The following USP35 variants were observed in gnomAD, a reference collection of about 807,000 sequenced individuals.
The protein encoded by USP35 is ubiquitin carboxyl-terminal hydrolase 35.
A neutral mutation model predicts 83.8 loss-of-function variants in USP35; 69 were observed. The ratio of observed to expected loss-of-function variants is 0.82; its 90% CI spans 0.68 to 1.01. The LOEUF is 1.01. Ranked by LOEUF, USP35 falls within the 50% of genes least tolerant of loss-of-function variation. The pLI, the probability that USP35 is intolerant of heterozygous loss-of-function variation, is 0.00. For synonymous variants in USP35, 714 were observed against 589.5 expected, an observed-to-expected ratio of 1.21 and a Z score of -3.06; for missense variants, 1,503 against 1,362.5, an observed-to-expected ratio of 1.10 and a Z score of -1.62.
In USP35 at chr11:78,211,867, A is replaced by C. The variant is rs371250507; in HGVS notation, c.2889+1123A>C. Among the ~76,000 whole-genome samples the C allele has an allele frequency of 7.1e-3, 1,088 of 152,280 alleles. 15 individuals are homozygous for C. The highest frequency in any genetic ancestry group is 0.024 in the African/African-American group (1,015 of 41,552). Reference sequence around the variant, plus strand: ...GACTTAGGTCAGATGGGTAGTTTGCAAAAATTTTTTTTCATTCTGTAGGTT... The same window carrying C: ...GACTTAGGTCAGATGGGTAGTTTGCCAAAATTTTTTTTCATTCTGTAGGTT... On this transcript the variant is annotated intron_variant, in intron 10 of 10. Transcript: ENST00000529308.
rs2101310 is a variant in USP35 at position 78,200,288 on chromosome 11, A to G, written c.1038+54A>G. On this transcript the variant is annotated intron_variant, in intron 5 of 10. Coordinates refer to ENST00000529308, the MANE Select transcript of USP35 (RefSeq NM_020798.4). ...GAGGCCCCTGCCTGCTGCCCCTGGTAAGGGCCCTGCCTACTGCCCCTGGTA... is the reference window on the plus strand; with the variant it reads ...GAGGCCCCTGCCTGCTGCCCCTGGTGAGGGCCCTGCCTACTGCCCCTGGTA... The G allele has an allele frequency of 9.6e-6, 15 of 1,558,302 alleles. No homozygotes were observed. In the African/African-American group the frequency reaches 1.2e-4, roughly 13 times the overall value.
At chr11:78,226,387 A>T in the USP35 span, 2 of 1,161,988 alleles carry the variant, frequency 1.7e-6, no homozygotes, top group South Asian at 2.5e-5. Flanking sequence ...GCCATGGATG[A>T]CCAAGGACCA....
At chr11:78,228,834 G>A in the USP35 span, among the ~76,000 whole-genome samples, 1 of 152,092 alleles carries the variant, frequency 6.6e-6, no homozygotes, top group African/African-American at 2.4e-5. Flanking sequence ...AGAGGACGGG[G>A]GTGGCGGGGG....
the USP35 span, chr11:78,226,712 T>C: frequency 1.9e-6 from 3 of 1,613,310 alleles, no homozygotes; most frequent in Non-Finnish European, 1.7e-6. Context: ...AGGCTGAGAG[T>C]GGGGTGGCCG....
chr11:78,219,437 G>T, downstream of USP35: 1 of 1,612,664 alleles, frequency 6.2e-7, no homozygotes, highest in Non-Finnish European at 8.5e-7. Context: ...GAGTGGGAAA[G>T]AGGGAGTAGC....
chr11:78,217,379 G>C (rs1864200751), downstream of USP35: 1 of 152,252 alleles, frequency 6.6e-6, no homozygotes, highest in Non-Finnish European at 1.5e-5. Context: ...ACTAATGCTA[G>C]GAGGAGAGGT....
intron 6 of USP35, among the ~76,000 whole-genome samples, chr11:78,202,906 C>T (rs575997533): frequency 6.6e-6 from 1 of 152,306 alleles, no homozygotes; most frequent in Admixed American, 6.5e-5. Flanking sequence ...GAACCCTGTC[C>T]TTTTGATCTT....
At chr11:78,199,468 C>T (rs1456760938) in intron 3 of USP35, 127 bp from the exon 4 acceptor site, 8 of 1,420,438 alleles carry the variant, frequency 5.6e-6, no homozygotes, top group Admixed American at 1.9e-5. Flanking sequence ...CCACAGACCC[C>T]GGGGCTGCCC....
intron 6 of USP35, 137 bp from the exon 7 acceptor site, chr11:78,205,705 C>T (rs1863508272): frequency 2.2e-6 from 2 of 929,574 alleles, no homozygotes; most frequent in Admixed American, 2.7e-5. Flanking sequence ...CACACACACC[C>T]CAGAACATCT....
chr11:78,227,631 C>CAAAAAAAAAAAAAAAAAAAAAA, the USP35 span, among the ~76,000 whole-genome samples: 50 of 106,106 alleles, frequency 4.7e-4, 1 homozygote, highest in African/African-American at 1.7e-3. Flanking sequence ...CCATTGCCAC[C>CAAAAAAAAAAAAAAAAAAAAAA]AAAAAAAAAA....
In USP35 at chr11:78,209,998, G is replaced by A. The variant is rs751730694; in HGVS notation, c.2143G>A (p.Glu715Lys). The stretch of plus-strand genomic sequence containing the variant: ...GGAGAAAGAGGAGGAGGTGGAAGAG[G>A]AAGAAGAGAAGGTGGAGAAGGAGAC... The part of the protein sequence containing the change: ...EREKEEEVEE[E>K]EEKVEKETEK... Residue 715 changes from glutamate (E) to lysine (K), a missense_variant, in exon 10 of 11, where the codon GAA becomes AAA. Coordinates refer to ENST00000529308, the MANE Select transcript of USP35 (RefSeq NM_020798.4). 102 of 1,613,380 alleles carry A rather than the reference G, an allele frequency of 6.3e-5. No homozygotes were observed. Among genetic ancestry groups the A allele is most frequent in the Middle Eastern group, 1.6e-4 (1 of 6,068 alleles).
rs183263566 is a variant in USP35 at position 78,210,255 on chromosome 11, G to A, written c.2400G>A (p.Gly800=). The A allele has an allele frequency of 8.5e-4, 1,376 of 1,614,116 alleles. 8 individuals carry two copies. In the African/African-American group the frequency reaches 0.015, roughly 18 times the overall value. ...DAEKVVELSQ[G]PCYLILTLLR... is the part of the protein sequence containing the mutation. The stretch of plus-strand genomic sequence containing the variant: ...AGAAGGTGGTGGAGCTGAGCCAAGG[G>A]CCGTGCTACCTCATCCTCACACTGC... Residue 800 remains glycine (G), a synonymous_variant, in exon 10 of 11, where the codon GGG becomes GGA. Transcript: ENST00000529308.
chr11:78,213,195 A>G (rs1220495455), intron 10 of USP35, among the ~76,000 whole-genome samples: 2 of 152,142 alleles, frequency 1.3e-5, no homozygotes, highest in Non-Finnish European at 2.9e-5. Context: ...TCAGGCTCTC[A>G]GGGACAGCTT....
At chr11:78,197,912 G>A in intron 2 of USP35, 24 bp from the exon 3 acceptor site, 1 of 1,612,270 alleles carries the variant, frequency 6.2e-7, no homozygotes, top group Non-Finnish European at 8.5e-7. Flanking sequence ...TCCCTGCTAA[G>A]CTCAGCCCTG....
At chr11:78,233,293 C>G in the USP35 span, among the ~76,000 whole-genome samples, 3 of 152,118 alleles carry the variant, frequency 2.0e-5, no homozygotes, top group Non-Finnish European at 4.4e-5. Context: ...TCTTGGTCTC[C>G]CAAAGTGCTG....
chr11:78,196,440 G>T lies in USP35; in HGVS notation c.195G>T (p.Leu65=). ...ELPRRVGCQL[L]HVAGRHHPDV... ...CGCGCCGCGTGGGCTGCCAGCTGCTGCACGTGGCCGGCCGCCACCACCCCG... is the reference window on the plus strand; with the variant it reads ...CGCGCCGCGTGGGCTGCCAGCTGCTTCACGTGGCCGGCCGCCACCACCCCG... The change falls in exon 2 of 11, where the codon CTG becomes CTT. Residue 65 remains leucine, a synonymous_variant. Transcript: ENST00000529308. The surrounding 1 kb of genome is among the most constrained non-coding windows in gnomAD (Gnocchi z 4.8). 7.9e-7 allele frequency: 1 copy of T among 1,273,404 alleles called. No individual in the cohort carries two copies. The allele number at this position is 1,273,404 out of a possible 1,614,324, so 78.9% of individuals were successfully genotyped here.
At position 78,213,957 on chromosome 11, in the gene USP35, T is replaced by TGGATATGTGTACCA; in HGVS notation, c.*144_*145insGGATATGTGTACCA. 2.3e-6 allele frequency: 2 copies of TGGATATGTGTACCA among 884,076 alleles called. No individual in the cohort carries two copies. Among genetic ancestry groups the TGGATATGTGTACCA allele is most frequent in the Non-Finnish European group, 3.2e-6 (2 of 627,924 alleles). 54.8% of individuals were successfully genotyped at this position (884,076 alleles called of 1,614,324 possible). On this transcript the variant is annotated 3_prime_UTR_variant, in exon 11 of 11. Coordinates refer to ENST00000529308, the MANE Select transcript of USP35 (RefSeq NM_020798.4). Reference sequence around the variant, plus strand: ...CAGCCTGATGAAGGGTACACAGAGATTCTCTCAGATATGGAAGTAAGACCT... The same window carrying TGGATATGTGTACCA: ...CAGCCTGATGAAGGGTACACAGAGATGGATATGTGTACCATCTCTCAGATATGGAAGTAAGACCT...
At chr11:78,226,620 G>GGGGGGGGCCCC in the USP35 span, 2 of 1,500,564 alleles carry the variant, frequency 1.3e-6, no homozygotes, top group Non-Finnish European at 1.9e-6. Flanking sequence ...GCGGGGTGGG[G>GGGGGGGGCCCC]GAGCTATGGC....
rs1207390949 is a variant in USP35 at position 78,208,957 on chromosome 11, T to C, written c.1586T>C (p.Leu529Pro). Residue 529 changes from leucine (L) to proline (P), a missense_variant, in exon 9 of 11, where the codon CTG becomes CCG. By Grantham distance (98) the Leu-to-Pro change is moderately conservative. Coordinates refer to ENST00000529308, the MANE Select transcript of USP35 (RefSeq NM_020798.4). ...TGCTCGGAGTATCTGAAGTACCTGC[T>C]GGATCGGTAAGGGGGCCAGGGCTAC... ...QDCSEYLKYL[L>P]DRLHEEEKTG... is the part of the protein sequence containing the mutation. 6.2e-7 allele frequency: 1 copy of C among 1,614,020 alleles called. No individual in the cohort carries two copies. Among genetic ancestry groups the C allele is most frequent in the Admixed American group, 1.7e-5 (1 of 60,004 alleles).
Sources: allele counts gnomAD v4.1 joint callset (sites outside exome capture counted in the v4.1 genomes callset), GRCh38; gene constraint gnomAD v4.1.1; non-coding constraint Gnocchi (gnomAD v3.1); transcripts MANE v1.5; gene names NCBI Gene and HGNC (gene_info 2026-07-23, HGNC 2026-07-21).